Variants in IGHMBP2 observed in about 807,000 individuals in gnomAD.
IGHMBP2 encodes immunoglobulin mu DNA binding protein 2, also known as DNA-binding protein SMUBP-2.
Under a neutral mutation model 96.0 loss-of-function variants are expected in IGHMBP2, and 81 were observed. That is an observed-to-expected ratio of 0.84 (90% CI 0.71 to 1.01). The LOEUF (loss-of-function observed/expected upper bound fraction) is 1.01, where lower values mean the gene tolerates loss of function less well. IGHMBP2 is among the 50% of genes least tolerant of loss of function. The pLI is 0.00. For synonymous variants in IGHMBP2, 557 were observed against 548.9 expected, an observed-to-expected ratio of 1.01 and a Z score of -0.21; for missense variants, 1,227 against 1,306.3, an observed-to-expected ratio of 0.94 and a Z score of 0.94.
At chr11:68,919,688 G>A (rs1858807320) in intron 7 of IGHMBP2, among the ~76,000 whole-genome samples, 1 of 152,116 alleles carries the variant, frequency 6.6e-6, no homozygotes, top group Admixed American at 6.6e-5. Context: ...GAATATAACT[G>A]GACATGTCTG....
rs1485977897 is a variant in IGHMBP2, at chr11:68,931,214, G to A, written c.1235+1857G>A. On this transcript the variant is annotated intron_variant, in intron 8 of 14. Transcript: ENST00000255078. ...GCTGGGAGCTGAGAGAGGCCAGGCA[G>A]TGGAAGCAGACACCCATGACCCTGC... Among the ~76,000 whole-genome samples the A allele has an allele frequency of 4.6e-5, 7 of 152,190 alleles. No homozygotes were observed. In the East Asian group the frequency reaches 1.2e-3, roughly 25 times the overall value.
chr11:68,939,795 A>G lies in IGHMBP2; in HGVS notation c.*64A>G. On this transcript the variant is annotated 3_prime_UTR_variant, in exon 15 of 15. Coordinates refer to ENST00000255078, the MANE Select transcript of IGHMBP2 (RefSeq NM_002180.3). ...TGGTAGCCCAGGGCGCTGGCAGACC[A>G]TGCTCCGCCTCCACCAGGGCCACAG... 1.3e-6 allele frequency: 2 copies of G among 1,500,880 alleles called. No homozygotes were observed. Among genetic ancestry groups the G allele is most frequent in the Non-Finnish European group, 1.8e-6 (2 of 1,103,320 alleles). The allele number at this position is 1,500,880 out of a possible 1,614,324, so 93.0% of individuals were successfully genotyped here.
rs1306074396 is a variant in IGHMBP2, at chr11:68,906,113, G to T, written c.131G>T (p.Gly44Val). 1 of 1,614,214 alleles carries T rather than the reference G, an allele frequency of 6.2e-7. No homozygotes were observed. The highest frequency in any genetic ancestry group is 1.7e-5 in the Admixed American group (1 of 60,034). The change falls in exon 2 of 15, where the codon GGC (glycine) becomes GTC (valine). Residue 44 changes from glycine (G) to valine (V), a missense_variant. Coordinates refer to ENST00000255078, the MANE Select transcript of IGHMBP2 (RefSeq NM_002180.3). Reference sequence around the variant, plus strand: ...TCTCTGAAAGAGCTCCAGAGCCGAGGCGTGTGTTTGCTGAAGCTGCAGGTA... The same window carrying T: ...TCTCTGAAAGAGCTCCAGAGCCGAGTCGTGTGTTTGCTGAAGCTGCAGGTA... The part of the protein sequence containing the change: ...NISLKELQSR[G>V]VCLLKLQVSS...
In IGHMBP2 at chr11:68,936,482, G is replaced by A. The variant is rs1566446312; in HGVS notation, c.2002G>A (p.Gly668Arg). 5 of 1,613,738 alleles carry A rather than the reference G, an allele frequency of 3.1e-6. No individual in the cohort carries two copies. Among genetic ancestry groups the A allele is most frequent in the Admixed American group, 1.7e-5 (1 of 59,996 alleles). Residue 668 changes from glycine to arginine, a missense_variant, in exon 13 of 15, where the codon GGA becomes AGA. By Grantham distance (125) the Gly-to-Arg change is moderately radical. Coordinates refer to ENST00000255078, the MANE Select transcript of IGHMBP2 (RefSeq NM_002180.3). Reference sequence around the variant, plus strand: ...CAGCCACGCTGCCACCAAGCCCCAGGGACCTGCTACGTCCACCAGGACCGG... The same window carrying A: ...CAGCCACGCTGCCACCAAGCCCCAGAGACCTGCTACGTCCACCAGGACCGG... Reference protein sequence around the residue: ...GSSHAATKPQGPATSTRTGSQ... With the variant: ...GSSHAATKPQRPATSTRTGSQ...
rs1859447682 is a variant in IGHMBP2 at position 68,934,502 on chromosome 11, G to A, written c.1576G>A (p.Val526Met). ...RLVSLHIQALVDAGVPARDIA... is the reference protein window; with the variant it reads ...RLVSLHIQALMDAGVPARDIA... ...CGTCAGTTTGCACATCCAGGCTCTGGTGGACGCTGGTGTTCCAGCCCGTGA... is the reference window on the plus strand; with the variant it reads ...CGTCAGTTTGCACATCCAGGCTCTGATGGACGCTGGTGTTCCAGCCCGTGA... Residue 526 changes from valine to methionine, a missense_variant, in exon 11 of 15, where the codon GTG becomes ATG. Physicochemically the swap from Val to Met is conservative, Grantham distance 21. Transcript: ENST00000255078. 6.2e-7 allele frequency: 1 copy of A among 1,612,850 alleles called. No individual in the cohort carries two copies. The highest frequency in any genetic ancestry group is 8.5e-7 in the Non-Finnish European group (1 of 1,179,416).
chr11:68,911,072 T>C (rs1471812493), intron 4 of IGHMBP2, among the ~76,000 whole-genome samples: 1 of 152,146 alleles, frequency 6.6e-6, no homozygotes, highest in African/African-American at 2.4e-5. Flanking sequence ...CCTGTTACTC[T>C]AGAGCAGGGG....
intron 11 of IGHMBP2, among the ~76,000 whole-genome samples, 191 bp from the exon 12 acceptor site, chr11:68,935,108 G>A (rs1478008565): frequency 6.6e-6 from 1 of 152,236 alleles, no homozygotes; most frequent in Non-Finnish European, 1.5e-5. Context: ...CAGGGACAGG[G>A]TGTGGTATTG....
chr11:68,914,800 A>G, intron 5 of IGHMBP2, 23 bp from the exon 6 acceptor site: 1 of 1,613,590 alleles, frequency 6.2e-7, no homozygotes, highest in South Asian at 1.1e-5. Context: ...GTAAATGACC[A>G]GATCCTAACT....
chr11:68,934,779 C>T (rs1436692618), intron 11 of IGHMBP2, among the ~76,000 whole-genome samples: 1 of 152,268 alleles, frequency 6.6e-6, no homozygotes, highest in Non-Finnish European at 1.5e-5. Flanking sequence ...GTGCCCCAGC[C>T]TTCTGCACTG....
chr11:68,911,798 G>A (rs1339941183), intron 5 of IGHMBP2, among the ~76,000 whole-genome samples, 195 bp downstream of exon 5: 1 of 152,272 alleles, frequency 6.6e-6, no homozygotes, highest in Non-Finnish European at 1.5e-5. Context: ...GCACGCGCAG[G>A]AGCCGTAGCC....
intron 10 of IGHMBP2, 62 bp from the exon 11 acceptor site, chr11:68,934,402 T>G: frequency 8.6e-7 from 1 of 1,161,180 alleles, no homozygotes; most frequent in South Asian, 1.3e-5. Flanking sequence ...AAACACGTGT[T>G]GGTGGTGGAT....
intron 14 of IGHMBP2, 142 bp downstream of exon 14, chr11:68,938,496 A>G: frequency 1.4e-6 from 1 of 724,012 alleles, no homozygotes; most frequent in South Asian, 1.9e-5. Context: ...AACAGAAATC[A>G]GACACTGACT....
At chr11:68,915,649 AT>A (rs1315279684) in intron 6 of IGHMBP2, among the ~76,000 whole-genome samples, 1 of 150,142 alleles carries the variant, frequency 6.7e-6, no homozygotes, top group African/African-American at 2.5e-5. Flanking sequence ...CACCCAACCA[AT>A]TTTTTTATTT....
At position 68,936,933 on chromosome 11, in the gene IGHMBP2, C is replaced by T. The variant is rs1309766365; in HGVS notation, c.2453C>T (p.Pro818Leu). 6.2e-7 allele frequency: 1 copy of T among 1,604,234 alleles called. No individual in the cohort carries two copies. ...VPPTPAQTEQ[P>L]PREQRGPDQP... ...CCTACCCCTGCGCAGACAGAGCAGCCTCCCAGGGAGCAGCGTGGCCCAGAC... is the reference window on the plus strand; with the variant it reads ...CCTACCCCTGCGCAGACAGAGCAGCTTCCCAGGGAGCAGCGTGGCCCAGAC... The change falls in exon 13 of 15, where the codon CCT becomes CTT. Residue 818 changes from proline (P) to leucine (L), a missense_variant. Transcript: ENST00000255078.
At chr11:68,909,136 T>C (rs1225625969) in intron 4 of IGHMBP2, among the ~76,000 whole-genome samples, 3 of 136,460 alleles carry the variant, frequency 2.2e-5, no homozygotes, top group Non-Finnish European at 3.1e-5. Flanking sequence ...ACCGTGCGCC[T>C]GGCCCCATTG....
At chr11:68,923,455 G>A (rs564041502) in intron 7 of IGHMBP2, among the ~76,000 whole-genome samples, 22 of 152,160 alleles carry the variant, frequency 1.4e-4, no homozygotes, top group East Asian at 1.9e-4. Context: ...TGCCTGCCTC[G>A]GCCTCCCAGA....
In IGHMBP2 at chr11:68,939,913, A is replaced by G; in HGVS notation, c.*182A>G. On this transcript the variant is annotated 3_prime_UTR_variant, in exon 15 of 15. Coordinates refer to ENST00000255078, the MANE Select transcript of IGHMBP2 (RefSeq NM_002180.3). ...AGGGATAAGCTTTTCCGATGTCACA[A>G]TGTGGAGGAAAGCACCTGGGGGACA... 1 of 641,678 alleles carries G rather than the reference A, an allele frequency of 1.6e-6. No homozygotes were observed. The allele number at this position is 641,678 out of a possible 1,614,324, so 39.7% of individuals were successfully genotyped here.
In IGHMBP2 at chr11:68,930,055, C is replaced by T. The variant is rs561626534; in HGVS notation, c.1235+698C>T. ...GGCCTCGCTGGCCCCTCTGCCTGGA[C>T]CACTCCTGCCTGGGTGTGGCGGGCG... On this transcript the variant is annotated intron_variant, in intron 8 of 14. Coordinates refer to ENST00000255078, the MANE Select transcript of IGHMBP2 (RefSeq NM_002180.3). 119 of 1,153,696 alleles carry T rather than the reference C, an allele frequency of 1.0e-4. No individual in the cohort carries two copies. In the African/African-American group the frequency reaches 1.9e-3, roughly 18 times the overall value. 71.5% of individuals were successfully genotyped at this position (1,153,696 alleles called of 1,614,324 possible).
chr11:68,905,017 C>T lies in IGHMBP2; in HGVS notation c.86+979C>T, dbSNP rs186247264. Among the ~76,000 whole-genome samples the T allele has an allele frequency of 7.4e-4, 113 of 152,202 alleles. No homozygotes were observed. The Middle Eastern group carries it at 0.017, about 23-fold the overall frequency. The stretch of plus-strand genomic sequence containing the variant: ...TTCACCATGTTGGCCAGGATGGTCT[C>T]GATCTCCTGACCTCGTGGTCTGCCC... On this transcript the variant is annotated intron_variant, in intron 1 of 14. Transcript: ENST00000255078.
Sources: allele counts gnomAD v4.1 joint callset (sites outside exome capture counted in the v4.1 genomes callset), GRCh38; gene constraint gnomAD v4.1.1; transcripts MANE v1.5; gene names NCBI Gene and HGNC (gene_info 2026-07-23, HGNC 2026-07-21).